The following SNAP91 variants were observed in gnomAD, a reference collection of about 807,000 sequenced individuals.
SNAP91 encodes the protein clathrin coat assembly protein AP180.
A neutral mutation model predicts 100.3 loss-of-function variants in SNAP91; 27 were observed. The observed-to-expected ratio is 0.27, with a 90% CI of 0.20 to 0.37. The LOEUF (loss-of-function observed/expected upper bound fraction) is 0.37. Among genes scored for constraint, SNAP91 ranks in the 10% least tolerant of loss-of-function variants. The probability of loss-of-function intolerance (pLI) is 1.00; values close to 1 mark genes in which losing one functional copy is unlikely to be tolerated. For synonymous variants in SNAP91, 404 were observed against 398.6 expected, an observed-to-expected ratio of 1.01 and a Z score of -0.16; for missense variants, 986 against 1,123.7, an observed-to-expected ratio of 0.88 and a Z score of 1.75.
At chr6:83,658,533 C>T (rs577692899) in intron 6 of SNAP91, among the ~76,000 whole-genome samples, 2 of 152,170 alleles carry the variant, frequency 1.3e-5, no homozygotes, top group South Asian at 2.1e-4. Flanking sequence ...GGCGTGAACC[C>T]AGGAGGCAGA....
chr6:83,582,523 AT>A (rs1266833677), intron 22 of SNAP91, among the ~76,000 whole-genome samples, 167 bp from the exon 23 acceptor site: 3 of 152,232 alleles, frequency 2.0e-5, no homozygotes, highest in Non-Finnish European at 2.9e-5. Context: ...CAAGCATAAT[AT>A]TTTGAAATCT....
chr6:83,646,391 A>C (rs558500739), intron 7 of SNAP91, among the ~76,000 whole-genome samples: 1 of 152,256 alleles, frequency 6.6e-6, no homozygotes, highest in African/African-American at 2.4e-5. Context: ...ATTTTGAGTT[A>C]ATATTTGTAA....
intron 20 of SNAP91, 141 bp from the exon 21 acceptor site, chr6:83,592,679 C>A: frequency 1.4e-6 from 1 of 732,334 alleles, no homozygotes; most frequent in East Asian, 2.7e-5. Flanking sequence ...TAAGGAAAAG[C>A]AAACGGGTTT....
At chr6:83,627,380 G>A (rs1217152795) in intron 8 of SNAP91, among the ~76,000 whole-genome samples, 2 of 152,000 alleles carry the variant, frequency 1.3e-5, no homozygotes, top group Non-Finnish European at 2.9e-5. Flanking sequence ...GAGTTAGGGA[G>A]GGATCCCTCC....
chr6:83,605,242 A>G (rs1370616499), intron 14 of SNAP91, among the ~76,000 whole-genome samples: 1 of 152,144 alleles, frequency 6.6e-6, no homozygotes, highest in East Asian at 1.9e-4. Flanking sequence ...ATGTGAATAA[A>G]ATCAATTCAG....
chr6:83,616,230 G>T (rs766465322), intron 10 of SNAP91, among the ~76,000 whole-genome samples: 1 of 152,120 alleles, frequency 6.6e-6, no homozygotes, highest in Non-Finnish European at 1.5e-5. Flanking sequence ...GGACAAGGAG[G>T]ATGGGCATCC....
intron 2 of SNAP91, among the ~76,000 whole-genome samples, chr6:83,672,080 G>A (rs940964019): frequency 2.6e-5 from 4 of 151,862 alleles, no homozygotes; most frequent in Non-Finnish European, 4.4e-5. Flanking sequence ...TTGAGTATAC[G>A]GCCTCTCATC....
intron 2 of SNAP91, among the ~76,000 whole-genome samples, chr6:83,674,682 T>A (rs1271633144): frequency 6.6e-6 from 1 of 152,198 alleles, no homozygotes; most frequent in Non-Finnish European, 1.5e-5. Flanking sequence ...TCCTGTGGGA[T>A]AAGAGCCCTT....
intron 8 of SNAP91, 111 bp from the exon 9 acceptor site, chr6:83,623,453 A>G: frequency 1.3e-6 from 1 of 746,498 alleles, no homozygotes. Flanking sequence ...GGTGTAAATG[A>G]ATTATTTTAT....
chr6:83,646,430 T>A (rs1353303636), intron 7 of SNAP91, among the ~76,000 whole-genome samples: 1 of 152,216 alleles, frequency 6.6e-6, no homozygotes, highest in African/African-American at 2.4e-5. Flanking sequence ...CCAGATTAAT[T>A]TTTTTGGTGT....
intron 2 of SNAP91, among the ~76,000 whole-genome samples, chr6:83,668,065 C>A (rs1291956263): frequency 1.3e-5 from 2 of 151,990 alleles, no homozygotes; most frequent in African/African-American, 2.4e-5. Context: ...ATGCAGCCAA[C>A]AGACACATGA....
At chr6:83,708,224 A>T (rs2099407067) in intron 1 of SNAP91, 1 of 370,940 alleles carries the variant, frequency 2.7e-6, no homozygotes, top group Admixed American at 5.1e-5. Context: ...CGGCCCCCAC[A>T]TAGGGCCAGA....
intron 9 of SNAP91, among the ~76,000 whole-genome samples, chr6:83,619,113 CA>C (rs200578794): frequency 0.029 from 4,337 of 148,868 alleles, 80 homozygotes; most frequent in East Asian, 0.058. Context: ...GTAGAAGTCA[CA>C]AAAAAAAAAT....
chr6:83,708,016 C>T (rs749307530), intron 1 of SNAP91, 59 bp from the exon 2 acceptor site: 1 of 1,411,920 alleles, frequency 7.1e-7, no homozygotes, highest in Non-Finnish European at 9.2e-7. Flanking sequence ...CCTCCAAGCA[C>T]CCAGGCCTTG....
chr6:83,560,304 T>C (rs1785088131), intron 27 of SNAP91, 96 bp from the exon 28 acceptor site: 1 of 834,728 alleles, frequency 1.2e-6, no homozygotes, highest in African/African-American at 1.7e-5. Context: ...CTGACAATAT[T>C]TGAGGAATCC....
At chr6:83,592,347 A>G in intron 21 of SNAP91, 108 bp downstream of exon 21, 1 of 725,282 alleles carries the variant, frequency 1.4e-6, no homozygotes, top group East Asian at 2.9e-5. Context: ...TAAGAGACAG[A>G]ATTTTATATA....
intron 2 of SNAP91, among the ~76,000 whole-genome samples, chr6:83,680,088 C>A (rs1439892618): frequency 6.6e-6 from 1 of 152,104 alleles, no homozygotes; most frequent in Non-Finnish European, 1.5e-5. Flanking sequence ...TTTACAGAAC[C>A]TTCTGGGTCA....
At chr6:83,675,368 AG>A (rs1400918132) in intron 2 of SNAP91, among the ~76,000 whole-genome samples, 4 of 152,242 alleles carry the variant, frequency 2.6e-5, no homozygotes, top group Non-Finnish European at 5.9e-5. Context: ...TGAACTTCAA[AG>A]TAACATTATT....
chr6:83,707,124 T>C (rs1229656466), intron 2 of SNAP91, among the ~76,000 whole-genome samples: 1 of 152,206 alleles, frequency 6.6e-6, no homozygotes, highest in Non-Finnish European at 1.5e-5. Flanking sequence ...GACCATAGCA[T>C]AGTCATCTCA....
Sources: gnomAD v4.1 joint callset for allele counts (sites outside exome capture counted in the v4.1 genomes callset) on GRCh38, gnomAD v4.1.1 for gene constraint, MANE v1.5 for transcripts, NCBI Gene and HGNC (gene_info 2026-07-23, HGNC 2026-07-21) for gene names.